The following ZNF385D variants were observed in gnomAD, a reference collection of about 807,000 sequenced individuals.
ZNF385D encodes the protein zinc finger protein 385D.
A neutral mutation model predicts 35.8 loss-of-function variants in ZNF385D; 15 were observed. That is an observed-to-expected ratio of 0.42 (90% confidence interval 0.28 to 0.64). ZNF385D has a LOEUF of 0.64. ZNF385D is among the 30% of genes least tolerant of loss of function. The pLI, the probability that ZNF385D is intolerant of heterozygous loss-of-function variation, is 0.23. For missense variants in ZNF385D, 474 were observed against 494.6 expected, an observed-to-expected ratio of 0.96 and a Z score of 0.39; for synonymous variants, 212 against 186.8, an observed-to-expected ratio of 1.13 and a Z score of -1.10.
At chr3:22,042,254 C>G (rs2125506867) in intron 3 of ZNF385D, among the ~76,000 whole-genome samples, 1 of 152,184 alleles carries the variant, frequency 6.6e-6, no homozygotes, top group South Asian at 2.1e-4. Flanking sequence ...ATGAAGATAA[C>G]AGTCTCTTCC....
intron 4 of ZNF385D, among the ~76,000 whole-genome samples, chr3:21,476,547 C>T (rs577803221): frequency 1.3e-5 from 2 of 151,568 alleles, no homozygotes; most frequent in East Asian, 3.9e-4. Context: ...CACTTATGCT[C>T]AGGGTGGGGT....
At chr3:21,736,986 C>G (rs916663762) in intron 1 of ZNF385D, among the ~76,000 whole-genome samples, 3 of 152,194 alleles carry the variant, frequency 2.0e-5, no homozygotes, top group East Asian at 1.9e-4. Flanking sequence ...GTCGCCCAGG[C>G]TGGAGTACAG....
At chr3:21,583,611 TAAGA>T (rs758183540) in intron 2 of ZNF385D, among the ~76,000 whole-genome samples, 8 of 152,100 alleles carry the variant, frequency 5.3e-5, no homozygotes, top group South Asian at 4.1e-4. Context: ...CTCTAGGCGC[TAAGA>T]AAGATGAGAA....
At chr3:21,998,968 G>C (rs140582519) in intron 3 of ZNF385D, among the ~76,000 whole-genome samples, 1 of 151,972 alleles carries the variant, frequency 6.6e-6, no homozygotes. Context: ...TGATAAAGAG[G>C]TTATCAATTA....
intron 3 of ZNF385D, among the ~76,000 whole-genome samples, chr3:21,983,874 A>G (rs1210286097): frequency 8.1e-6 from 1 of 122,794 alleles, no homozygotes; most frequent in Non-Finnish European, 1.6e-5. Flanking sequence ...GTGTGAGATG[A>G]TATCTCATAG....
At chr3:21,814,963 C>T (rs1200915558) in intron 3 of ZNF385D, among the ~76,000 whole-genome samples, 1 of 152,128 alleles carries the variant, frequency 6.6e-6, no homozygotes, top group Non-Finnish European at 1.5e-5. Context: ...TGTAAAAAAA[C>T]AGAAATTATA....
In ZNF385D at chr3:22,344,136, T is replaced by C. The variant is rs1394370732; in HGVS notation, c.106+28314A>G. The stretch of plus-strand genomic sequence containing the variant: ...AAACCGTTCCATTTGGCCTCTTGTG[T>C]TTTGAAGAATTTTTATAGGCACATG... On this transcript the variant is annotated intron_variant, in intron 2 of 5. Coordinates refer to the ZNF385D transcript ENST00000494108. Among the ~76,000 whole-genome samples the C allele has an allele frequency of 4.6e-5, 7 of 151,444 alleles. 1 individual carries two copies. Among genetic ancestry groups the C allele is most frequent in the Admixed American group, 3.3e-4 (5 of 15,232 alleles).
chr3:21,745,413 G>T (rs1224856122), intron 1 of ZNF385D, among the ~76,000 whole-genome samples: 4 of 152,190 alleles, frequency 2.6e-5, no homozygotes, highest in Non-Finnish European at 5.9e-5. Flanking sequence ...TTCAAGGGCT[G>T]TGTAAGCCTG....
At chr3:22,306,910 A>G (rs953711285) in intron 2 of ZNF385D, among the ~76,000 whole-genome samples, 2 of 152,208 alleles carry the variant, frequency 1.3e-5, no homozygotes, top group African/African-American at 2.4e-5. Context: ...AGCGAAAAAC[A>G]TAAAACACAG....
chr3:22,029,414 G>A (rs1011316080), intron 3 of ZNF385D, among the ~76,000 whole-genome samples: 4 of 152,172 alleles, frequency 2.6e-5, no homozygotes, highest in African/African-American at 9.7e-5. Flanking sequence ...AGACCCCTCA[G>A]GAATGAAGGT....
chr3:21,977,742 A>T (rs1401809024), intron 3 of ZNF385D, among the ~76,000 whole-genome samples: 1 of 152,144 alleles, frequency 6.6e-6, no homozygotes, highest in Non-Finnish European at 1.5e-5. Flanking sequence ...AGGCTGAAGC[A>T]AGAGGATCGC....
At chr3:22,235,552 C>A (rs150535503) in intron 2 of ZNF385D, among the ~76,000 whole-genome samples, 240 of 152,164 alleles carry the variant, frequency 1.6e-3, no homozygotes, top group African/African-American at 5.4e-3. Context: ...TTATGCTAAA[C>A]AGTGTTTTCT....
At chr3:21,625,996 T>A (rs984725571) in intron 2 of ZNF385D, among the ~76,000 whole-genome samples, 10 of 152,030 alleles carry the variant, frequency 6.6e-5, no homozygotes, top group African/African-American at 2.4e-4. Flanking sequence ...CCACTTAATT[T>A]TCAGAACTGC....
intron 3 of ZNF385D, among the ~76,000 whole-genome samples, chr3:22,078,683 A>G (rs890407612): frequency 5.3e-5 from 8 of 152,088 alleles, no homozygotes; most frequent in African/African-American, 1.9e-4. Context: ...GTGTGTTTTC[A>G]AGATACTTCT....
intron 2 of ZNF385D, among the ~76,000 whole-genome samples, chr3:22,226,771 TCTTG>T (rs996370147): frequency 3.3e-5 from 5 of 152,142 alleles, no homozygotes; most frequent in Admixed American, 6.6e-5. Context: ...TCTTCACTTG[TCTTG>T]CTTTTCTCTG....
chr3:21,735,376 G>T (rs558956646), intron 1 of ZNF385D, among the ~76,000 whole-genome samples: 1 of 152,246 alleles, frequency 6.6e-6, no homozygotes, highest in South Asian at 2.1e-4. Context: ...CCCTATTTGT[G>T]CCACTCACTA....
intron 3 of ZNF385D, among the ~76,000 whole-genome samples, chr3:21,898,797 C>G (rs1166791907): frequency 3.9e-5 from 6 of 152,070 alleles, no homozygotes; most frequent in African/African-American, 1.4e-4. Context: ...AAAGCAAAGG[C>G]TACCACGACT....
At chr3:22,114,810 C>T (rs1461570239) in intron 3 of ZNF385D, among the ~76,000 whole-genome samples, 2 of 151,874 alleles carry the variant, frequency 1.3e-5, no homozygotes, top group Admixed American at 6.6e-5. Flanking sequence ...GAGGTTGGGC[C>T]TTTAGGAGGT....
chr3:22,124,946 G>C (rs1419742648), intron 3 of ZNF385D, among the ~76,000 whole-genome samples: 1 of 151,990 alleles, frequency 6.6e-6, no homozygotes, highest in Non-Finnish European at 1.5e-5. Flanking sequence ...TCCAATTTTG[G>C]TTTGGTTGCC....
Sources: gnomAD v4.1 joint callset for allele counts (sites outside exome capture counted in the v4.1 genomes callset) on GRCh38, gnomAD v4.1.1 for gene constraint, MANE v1.5 for transcripts, NCBI Gene and HGNC (gene_info 2026-07-23, HGNC 2026-07-21) for gene names.